Variants in COG1 observed in about 807,000 individuals in gnomAD.
COG1 encodes the protein conserved oligomeric Golgi complex subunit 1.
COG1 carries 61 observed loss-of-function variants against 102.2 expected under a neutral mutation model. The observed-to-expected ratio is 0.60, with a 90% CI of 0.49 to 0.74. COG1 has a LOEUF of 0.74. COG1 is among the 30% of genes least tolerant of loss of function. The pLI, the probability that COG1 is intolerant of heterozygous loss-of-function variation, is 0.00. For synonymous variants in COG1, 454 were observed against 493.6 expected (o/e 0.92, Z 1.06); for missense variants, 1,164 against 1,232.1 (o/e 0.94, Z 0.83).
chr17:73,194,714 T>A (rs1288222711), intron 1 of COG1, among the ~76,000 whole-genome samples: 1 of 152,132 alleles, frequency 6.6e-6, no homozygotes, highest in Non-Finnish European at 1.5e-5. Context: ...TCTGCCTGCC[T>A]TGGCCTCCCA....
At chr17:73,208,174 A>C in intron 13 of COG1, 140 bp from the exon 14 acceptor site, 1 of 1,546,330 alleles carries the variant, frequency 6.5e-7, no homozygotes, top group African/African-American at 1.4e-5. Flanking sequence ...ACCGACAGCA[A>C]AGTCCTCTGA....
intron 1 of COG1, among the ~76,000 whole-genome samples, chr17:73,196,185 T>C (rs1427664122): frequency 6.6e-6 from 1 of 152,158 alleles, no homozygotes; most frequent in East Asian, 1.9e-4. Flanking sequence ...TTGCTGTGGT[T>C]TGGATTTGTG....
intron 13 of COG1, chr17:73,207,805 T>C (rs2061387176): frequency 7.8e-7 from 1 of 1,285,024 alleles, no homozygotes; most frequent in Non-Finnish European, 1.0e-6. Context: ...TCTTACAGCA[T>C]CGAGTTGTTT....
chr17:73,208,031 G>C (rs936133127), intron 13 of COG1: 37 of 1,338,604 alleles, frequency 2.8e-5, no homozygotes, highest in Non-Finnish European at 3.5e-5. Context: ...TGATCTTTCA[G>C]TTCTGCCCAC....
At position 73,196,948 on chromosome 17, in the gene COG1, G is replaced by A. The variant is rs752862204; in HGVS notation, c.609G>A (p.Val203=). 13 of 1,614,102 alleles carry A rather than the reference G, an allele frequency of 8.1e-6. No individual in the cohort carries two copies. The South Asian group carries it at 1.2e-4, about 15-fold the overall frequency. The part of the protein sequence containing the change: ...ESKMLLKCQG[V]SDQAVAEALC... ...AGATGTTGCTCAAATGCCAAGGTGT[G>A]TCTGACCAAGCTGTGGCCGAGGCCC... Residue 203 remains valine, a synonymous_variant, in exon 3 of 14, where the codon GTG becomes GTA. Transcript: ENST00000299886.
intron 13 of COG1, chr17:73,207,633 T>A: frequency 8.6e-7 from 1 of 1,166,712 alleles, no homozygotes; most frequent in Non-Finnish European, 1.1e-6. Context: ...TTTAGTTGGG[T>A]GGGAAGTAAC....
At chr17:73,206,949 C>T in intron 12 of COG1, 132 bp downstream of exon 12, 1 of 764,948 alleles carries the variant, frequency 1.3e-6, no homozygotes, top group South Asian at 1.6e-5. Flanking sequence ...AAAAAATTAG[C>T]TGGCCTGGTG....
At chr17:73,199,591 T>G (rs1313274201) in intron 4 of COG1, among the ~76,000 whole-genome samples, 1 of 152,208 alleles carries the variant, frequency 6.6e-6, no homozygotes, top group African/African-American at 2.4e-5. Flanking sequence ...TTTATTTTTT[T>G]GGAGACAGGG....
At position 73,203,726 on chromosome 17, in the gene COG1, T is replaced by C; in HGVS notation, c.2315T>C (p.Met772Thr). The C allele has an allele frequency of 1.9e-6, 3 of 1,614,264 alleles. No individual in the cohort carries two copies. The highest frequency in any genetic ancestry group is 2.5e-6 in the Non-Finnish European group (3 of 1,180,042). The change falls in exon 9 of 14, where the codon ATG (methionine) becomes ACG (threonine). Residue 772 changes from methionine to threonine, a missense_variant. Physicochemically the swap from Met to Thr is moderately conservative, Grantham distance 81 (BLOSUM62 -1). Coordinates refer to ENST00000299886, the MANE Select transcript of COG1 (RefSeq NM_018714.3). ...TTGCCAAAGGTGACATTACAGGAGA[T>C]GCTGAAAAGCTGTATGGTTCAAGTA... ...HALPKVTLQE[M>T]LKSCMVQVVA...
At position 73,193,063 on chromosome 17, in the gene COG1, G is replaced by GT; in HGVS notation, c.-6dup. ...TAGGTAGATCGCCGGGGGCTGACGAGTGCACCATGGCCACCGCGGCAACCT... is the reference window on the plus strand; with the variant it reads ...TAGGTAGATCGCCGGGGGCTGACGAGTTGCACCATGGCCACCGCGGCAACCT... On this transcript the variant is annotated 5_prime_UTR_variant, in exon 1 of 14. Transcript: ENST00000299886. 1 of 1,611,070 alleles carries GT rather than the reference G, an allele frequency of 6.2e-7. No individual in the cohort carries two copies. Among genetic ancestry groups the GT allele is most frequent in the South Asian group, 1.1e-5 (1 of 90,956 alleles).
rs199789941 is a variant in COG1, at chr17:73,203,167, G to A, written c.2220+21G>A. 73 of 1,613,680 alleles carry A rather than the reference G, an allele frequency of 4.5e-5. No individual in the cohort carries two copies. In the African/African-American group the frequency reaches 7.7e-4, roughly 17 times the overall value. On this transcript the variant is annotated intron_variant, in intron 8 of 13. Transcript: ENST00000299886. ...CACAGGTGAGCAGGGACCATGGGCTGAAAAAGGGAATAAACTGCTCCGTGG... is the reference window on the plus strand; with the variant it reads ...CACAGGTGAGCAGGGACCATGGGCTAAAAAAGGGAATAAACTGCTCCGTGG...
chr17:73,196,574 CGGAGAAGATCT>C lies in COG1; in HGVS notation c.388_398del (p.Lys130LeufsTer30). 4.3e-6 allele frequency: 7 copies of C among 1,614,192 alleles called. No individual in the cohort carries two copies. Among genetic ancestry groups the C allele is most frequent in the Non-Finnish European group, 5.1e-6 (6 of 1,180,040 alleles). ...CAGATCAAGCTACTCTTAGAAATTC[CGGAGAAGATCT>C]GGAGCTCGATGGAAGCCTCTCAGTG... On this transcript the variant is annotated frameshift_variant, in exon 2 of 14. Transcript: ENST00000299886. LOFTEE classifies it high-confidence loss of function.
intron 13 of COG1, 182 bp from the exon 14 acceptor site, chr17:73,208,132 C>T: frequency 6.7e-7 from 1 of 1,484,972 alleles, no homozygotes; most frequent in Non-Finnish European, 8.9e-7. Context: ...GTCACAAAGG[C>T]TCATGCTGTT....
chr17:73,196,917 AAAGC>A lies in COG1; in HGVS notation c.582_585del (p.Ser194ArgfsTer21). ...TTTTCTAGGTCAACTATTCTGCATGAAAGCAAGATGTTGCTCAAATGCCAAGGTG... is the reference window on the plus strand; with the variant it reads ...TTTTCTAGGTCAACTATTCTGCATGAAAGATGTTGCTCAAATGCCAAGGTG... On this transcript the variant is annotated frameshift_variant, in exon 3 of 14. Coordinates refer to ENST00000299886, the MANE Select transcript of COG1 (RefSeq NM_018714.3). LOFTEE classifies it high-confidence loss of function. 6.2e-7 allele frequency: 1 copy of A among 1,614,246 alleles called. No homozygotes were observed. The highest frequency in any genetic ancestry group is 8.5e-7 in the Non-Finnish European group (1 of 1,180,054).
rs2061348311 is a variant in COG1 at position 73,201,838 on chromosome 17, AAAG to A, written c.2015_2017del (p.Glu672del). The A allele has an allele frequency of 1.2e-6, 2 of 1,614,206 alleles. No homozygotes were observed. Among genetic ancestry groups the A allele is most frequent in the Non-Finnish European group, 1.7e-6 (2 of 1,180,028 alleles). ...TACACAGGCCAAGTGGCAAGAGGTTAAAGAAGTACTCCTCCAGCAGAGCGTGAT... is the reference window on the plus strand; with the variant it reads ...TACACAGGCCAAGTGGCAAGAGGTTAAAGTACTCCTCCAGCAGAGCGTGAT... On this transcript the variant is annotated inframe_deletion, in exon 7 of 14. Coordinates refer to ENST00000299886, the MANE Select transcript of COG1 (RefSeq NM_018714.3).
chr17:73,200,451 ATTTAT>A, intron 5 of COG1, 110 bp from the exon 6 acceptor site: 2 of 987,208 alleles, frequency 2.0e-6, no homozygotes, highest in Non-Finnish European at 3.3e-6. Context: ...ACACATAGAT[ATTTAT>A]CTACTGGAAC....
chr17:73,199,739 A>C, intron 4 of COG1, 126 bp from the exon 5 acceptor site: 1 of 1,115,368 alleles, frequency 9.0e-7, no homozygotes, highest in Non-Finnish European at 1.3e-6. Flanking sequence ...GACGCCTGGC[A>C]AATTGTTTCT....
rs1464604834 is a variant in COG1, at chr17:73,206,812, G to A, written c.2724G>A (p.Gln908=). ...PHNILPLASS[Q]IRFGLLPLSM... ...ACATCCTGCCACTGGCATCCAGTCA[G>A]ATCAGGTAAAGGCTGCCAAGAGGCT... Residue 908 remains glutamine (Q), a synonymous_variant, in exon 12 of 14, where the codon CAG becomes CAA. Transcript: ENST00000299886. 1 of 1,613,038 alleles carries A rather than the reference G, an allele frequency of 6.2e-7. No individual in the cohort carries two copies. Among genetic ancestry groups the A allele is most frequent in the Admixed American group, 1.7e-5 (1 of 59,996 alleles).
chr17:73,205,797 G>T, intron 10 of COG1, 117 bp downstream of exon 10: 1 of 1,361,640 alleles, frequency 7.3e-7, no homozygotes, highest in South Asian at 1.2e-5. Context: ...TGTTTGTTTT[G>T]AACAGTAAGT....
Sources: allele counts gnomAD v4.1 joint callset (sites outside exome capture counted in the v4.1 genomes callset), GRCh38; gene constraint gnomAD v4.1.1; transcripts MANE v1.5; gene names NCBI Gene and HGNC (gene_info 2026-07-23, HGNC 2026-07-21).